BCAS3: variants seen among roughly 807,000 people sequenced by gnomAD.
The protein encoded by BCAS3 is BCAS3 microtubule associated cell migration factor.
Under a neutral mutation model 116.1 loss-of-function variants are expected in BCAS3, and 53 were observed. The observed-to-expected ratio is 0.46, with a 90% CI of 0.37 to 0.57. BCAS3 has a LOEUF of 0.57. BCAS3 is among the 20% of genes least tolerant of loss of function. The probability of loss-of-function intolerance (pLI) is 0.00; values close to 1 mark genes in which losing one functional copy is unlikely to be tolerated. For missense variants in BCAS3, 917 were observed against 1,165.4 expected, an observed-to-expected ratio of 0.79 and a Z score of 3.10; for synonymous variants, 391 against 408.2, an observed-to-expected ratio of 0.96 and a Z score of 0.51.
chr17:60,714,732 A>G (rs938756545), intron 5 of BCAS3, among the ~76,000 whole-genome samples: 12 of 152,168 alleles, frequency 7.9e-5, no homozygotes, highest in African/African-American at 2.7e-4. Context: ...AAAATTGTCT[A>G]TTGAAGTGTG....
rs1450521631 is a variant in BCAS3, at chr17:61,063,310, C to T, written c.2030-11610C>T. On this transcript the variant is annotated intron_variant, in intron 19 of 23. Coordinates refer to ENST00000407086, the MANE Select transcript of BCAS3 (RefSeq NM_017679.5). This position sits in a 1 kb window ranked among gnomAD's most constrained non-coding sequence, Gnocchi z 5.3. ...TTTGAGGCAGAGTCTTGCTCTGTCACCCAGGCTGGAGTGCGGTGGCACAAT... is the reference window on the plus strand; with the variant it reads ...TTTGAGGCAGAGTCTTGCTCTGTCATCCAGGCTGGAGTGCGGTGGCACAAT... Among the ~76,000 whole-genome samples the T allele has an allele frequency of 6.6e-6, 1 of 151,730 alleles. No homozygotes were observed. Among genetic ancestry groups the T allele is most frequent in the Non-Finnish European group, 1.5e-5 (1 of 67,940 alleles).
chr17:60,756,192 T>C (rs2042969826), intron 6 of BCAS3, among the ~76,000 whole-genome samples: 1 of 152,014 alleles, frequency 6.6e-6, no homozygotes, highest in Non-Finnish European at 1.5e-5. Context: ...TCATAAGGAG[T>C]GCACAACTTA....
At chr17:60,682,101 A>G (rs1014295023) in intron 2 of BCAS3, among the ~76,000 whole-genome samples, 2 of 152,202 alleles carry the variant, frequency 1.3e-5, no homozygotes, top group Non-Finnish European at 2.9e-5. Context: ...GTGAATAAGT[A>G]AAATAATGAC....
chr17:60,680,697 G>A (rs567139370), intron 2 of BCAS3, among the ~76,000 whole-genome samples: 48 of 151,130 alleles, frequency 3.2e-4, no homozygotes, highest in Non-Finnish European at 5.9e-4. Context: ...GTGCAGTGGC[G>A]CCGTCTCGGC....
rs1056320639 is a variant in BCAS3 at position 61,180,143 on chromosome 17, CA to C, written c.2425+95582del. ...GACCAGATTGAGTGCACCATTTTGC[CA>C]AACATCATTAAGTCATTAGTGTAAG... On this transcript the variant is annotated intron_variant, in intron 22 of 23. Transcript: ENST00000407086. The surrounding 1 kb of genome is among the most constrained non-coding windows in gnomAD (Gnocchi z 6.0). Among the ~76,000 whole-genome samples, 1 of 151,994 alleles carries C rather than the reference CA, an allele frequency of 6.6e-6. No homozygotes were observed. The highest frequency in any genetic ancestry group is 6.6e-5 in the Admixed American group (1 of 15,246).
rs1304391554 is a variant in BCAS3 at position 61,145,861 on chromosome 17, A to T, written c.2425+61297A>T. Among the ~76,000 whole-genome samples, 2 of 150,492 alleles carry T rather than the reference A, an allele frequency of 1.3e-5. No homozygotes were observed. Among genetic ancestry groups the T allele is most frequent in the Non-Finnish European group, 3.0e-5 (2 of 67,652 alleles). On this transcript the variant is annotated intron_variant, in intron 22 of 23. Coordinates refer to ENST00000407086, the MANE Select transcript of BCAS3 (RefSeq NM_017679.5). The surrounding 1 kb of genome is among the most constrained non-coding windows in gnomAD (Gnocchi z 5.0). The stretch of plus-strand genomic sequence containing the variant: ...GAACTTCATGTACAAGACATATTTC[A>T]TTTTTTTTTCTTCCCTCACAAATTT...
intron 13 of BCAS3, among the ~76,000 whole-genome samples, chr17:60,939,397 A>G (rs184685725): frequency 6.6e-6 from 1 of 152,228 alleles, no homozygotes; most frequent in African/African-American, 2.4e-5. Flanking sequence ...GTGCCACTGC[A>G]CTCCAGCCTG....
In BCAS3 at chr17:61,327,489, G is replaced by A. The variant is rs983354648; in HGVS notation, c.2426-40838G>A. Among the ~76,000 whole-genome samples, 2 of 151,906 alleles carry A rather than the reference G, an allele frequency of 1.3e-5. No individual in the cohort carries two copies. Among genetic ancestry groups the A allele is most frequent in the Admixed American group, 6.6e-5 (1 of 15,242 alleles). On this transcript the variant is annotated intron_variant, in intron 22 of 23. Transcript: ENST00000407086. The surrounding 1 kb of genome is among the most constrained non-coding windows in gnomAD (Gnocchi z 5.9). ...CAGGCAAGTATGTGGAGATGAGGGA[G>A]CAAATAGAAAATGAAGCAAAATTTT...
At chr17:61,290,452 A>G (rs1328122563) in intron 22 of BCAS3, among the ~76,000 whole-genome samples, 1 of 152,250 alleles carries the variant, frequency 6.6e-6, no homozygotes, top group Non-Finnish European at 1.5e-5. Context: ...TAAGATGTTC[A>G]TAATAGAAAA....
At chr17:61,033,353 G>A (rs1412728568) in intron 16 of BCAS3, among the ~76,000 whole-genome samples, 4 of 152,112 alleles carry the variant, frequency 2.6e-5, no homozygotes, top group African/African-American at 9.7e-5. Context: ...TCCTCAGGTG[G>A]TACTATGAGC....
intron 16 of BCAS3, among the ~76,000 whole-genome samples, chr17:61,025,381 G>A (rs1005566891): frequency 1.3e-5 from 2 of 151,922 alleles, no homozygotes; most frequent in Admixed American, 6.6e-5. Flanking sequence ...CGGAAATACA[G>A]AATCTCAGAT....
In BCAS3 at chr17:61,224,718, G is replaced by A. The variant is rs1443033810; in HGVS notation, c.2425+140154G>A. ...TTTCTTGGTCCGTGAAAACTAACAG[G>A]TGAAATGAATTCTAAGTATATGTTT... On this transcript the variant is annotated intron_variant, in intron 22 of 23. Transcript: ENST00000407086. The surrounding 1 kb of genome is among the most constrained non-coding windows in gnomAD (Gnocchi z 5.7). Among the ~76,000 whole-genome samples the A allele has an allele frequency of 6.6e-6, 1 of 152,176 alleles. No homozygotes were observed. The highest frequency in any genetic ancestry group is 1.5e-5 in the Non-Finnish European group (1 of 68,044).
Position 61,392,158 on chromosome 17 carries a change from C to G in BCAS3, c.*33C>G. On this transcript the variant is annotated 3_prime_UTR_variant, in exon 24 of 24. Transcript: ENST00000407086. This position sits in a 1 kb window ranked among gnomAD's most constrained non-coding sequence, Gnocchi z 6.4. ...CAACCTGCTTCTGACTGGCCAGCCC[C>G]CTCCCCTGCTGGAGGAGGGGAGAAG... 6.2e-7 allele frequency: 1 copy of G among 1,603,902 alleles called. No homozygotes were observed. Among genetic ancestry groups the G allele is most frequent in the East Asian group, 2.2e-5 (1 of 44,706 alleles).
chr17:61,326,226 C>G lies in BCAS3; in HGVS notation c.2426-42101C>G, dbSNP rs1177021663. Among the ~76,000 whole-genome samples the G allele has an allele frequency of 2.0e-5, 3 of 152,006 alleles. No individual in the cohort carries two copies. The East Asian group carries it at 5.8e-4, about 29-fold the overall frequency. ...GAAAAGGGTATGCAGGGAGAGTTTC[C>G]CTAAGGAGGTCCCATTTAAGCTTGG... On this transcript the variant is annotated intron_variant, in intron 22 of 23. Transcript: ENST00000407086. This position sits in a 1 kb window ranked among gnomAD's most constrained non-coding sequence, Gnocchi z 5.3.
chr17:61,320,916 T>C (rs1397459779), intron 22 of BCAS3, among the ~76,000 whole-genome samples: 1 of 152,216 alleles, frequency 6.6e-6, no homozygotes, highest in African/African-American at 2.4e-5. Context: ...TGTAATGTTT[T>C]ACAAAGGGCT....
chr17:61,336,614 G>A (rs555382955), intron 22 of BCAS3, among the ~76,000 whole-genome samples: 4 of 152,262 alleles, frequency 2.6e-5, no homozygotes, highest in African/African-American at 7.2e-5. Context: ...TGGCTTCCCC[G>A]CAGTCACAAT....
rs575975998 is a variant in BCAS3 at position 61,056,338 on chromosome 17, C to T, written c.2029+15446C>T. On this transcript the variant is annotated intron_variant, in intron 19 of 23. Transcript: ENST00000407086. The surrounding 1 kb of genome is among the most constrained non-coding windows in gnomAD (Gnocchi z 4.9). ...CTAACTGTGTGGCCTTAGTACAGTG[C>T]CCATGTTATATACTGATAGAAGTCA... 6.6e-6 allele frequency among the ~76,000 whole-genome samples: 1 copy of T among 152,130 alleles called. No individual in the cohort carries two copies. The highest frequency in any genetic ancestry group is 1.5e-5 in the Non-Finnish European group (1 of 68,000).
chr17:60,941,441 A>C (rs1419027382), intron 13 of BCAS3, among the ~76,000 whole-genome samples: 1 of 152,180 alleles, frequency 6.6e-6, no homozygotes, highest in Non-Finnish European at 1.5e-5. Context: ...AAAGCTTGCT[A>C]TTTCCCTGGC....
At chr17:61,306,221 T>C (rs887249180) in intron 22 of BCAS3, among the ~76,000 whole-genome samples, 3 of 152,230 alleles carry the variant, frequency 2.0e-5, no homozygotes, top group African/African-American at 7.2e-5. Flanking sequence ...TGATCTTGGG[T>C]ACATTCCTTT....
Sources: gnomAD v4.1 joint callset for allele counts (sites outside exome capture counted in the v4.1 genomes callset) on GRCh38, gnomAD v4.1.1 for gene constraint, Gnocchi (gnomAD v3.1) non-coding constraint, MANE v1.5 for transcripts, NCBI Gene and HGNC (gene_info 2026-07-23, HGNC 2026-07-21) for gene names.